The following DLG4 variants were observed in gnomAD, a reference collection of about 807,000 sequenced individuals.
DLG4 encodes the protein disks large homolog 4.
DLG4 carries 7 observed loss-of-function variants against 93.8 expected under a neutral mutation model. That is an observed-to-expected ratio of 0.07 (90% CI 0.04 to 0.14). The LOEUF (loss-of-function observed/expected upper bound fraction) is 0.14, where lower values mean the gene tolerates loss of function less well. DLG4 is among the 10% of genes least tolerant of loss of function. The pLI is 1.00. For synonymous variants in DLG4, 341 were observed against 387.6 expected (o/e 0.88, Z 1.41); for missense variants, 545 against 992.9 (o/e 0.55, Z 6.06).
upstream of DLG4, chr17:7,219,777 AG>A (rs2071091425): frequency 6.7e-7 from 1 of 1,492,224 alleles, no homozygotes; most frequent in African/African-American, 1.4e-5. Context: ...GGGGGAGACG[AG>A]GGACGCTTGG....
intron 2 of DLG4, among the ~76,000 whole-genome samples, chr17:7,206,849 A>G (rs2070487617): frequency 6.6e-6 from 1 of 150,636 alleles, no homozygotes; most frequent in Non-Finnish European, 1.5e-5. Context: ...AATGTCAGCA[A>G]CCTCCCCCTT....
Position 7,191,534 on chromosome 17 carries a change from C to T in DLG4, c.1977-176G>A, listed in dbSNP as rs2069496820. 1 of 628,684 alleles carries T rather than the reference C, an allele frequency of 1.6e-6. No homozygotes were observed. Among genetic ancestry groups the T allele is most frequent in the South Asian group, 1.9e-5 (1 of 53,214 alleles). The allele number at this position is 628,684 out of a possible 1,614,324, so 38.9% of individuals were successfully genotyped here. A position where few individuals can be genotyped will look rare whatever the true frequency, so the allele number is the denominator to read the frequency against. On this transcript the variant is annotated intron_variant, in intron 18 of 19. Transcript: ENST00000399506. This position sits in a 1 kb window ranked among gnomAD's most constrained non-coding sequence, Gnocchi z 6.6. ...AGAACCACCCCCCACCCCCCTGCCA[C>T]CCGCAACCGCCCCAGCCAGGTGTGG...
intron 2 of DLG4, chr17:7,205,155 T>C (rs1441271228): frequency 2.0e-6 from 2 of 985,276 alleles, no homozygotes; most frequent in Non-Finnish European, 2.4e-6. Context: ...CCTACGCCCC[T>C]CACCCTACGC....
At chr17:7,212,447 T>C (rs1329998292) in intron 1 of DLG4, among the ~76,000 whole-genome samples, 3 of 152,180 alleles carry the variant, frequency 2.0e-5, no homozygotes, top group Admixed American at 6.5e-5. Context: ...AATATTACTC[T>C]TGCTCTAATA....
Position 7,193,438 on chromosome 17 carries a change from AC to A in DLG4, c.1693+44del, listed in dbSNP as rs1382335664. 25 of 1,488,130 alleles carry A rather than the reference AC, an allele frequency of 1.7e-5. No homozygotes were observed. The highest frequency in any genetic ancestry group is 1.9e-5 in the Non-Finnish European group (21 of 1,117,630). 92.2% of individuals were successfully genotyped at this position (1,488,130 alleles called of 1,614,324 possible). On this transcript the variant is annotated intron_variant, in intron 16 of 19. Transcript: ENST00000399506. The surrounding 1 kb of genome is among the most constrained non-coding windows in gnomAD (Gnocchi z 6.7). The stretch of plus-strand genomic sequence containing the variant: ...CCCAGGGATGGGCCTCCCCTGCCCC[AC>A]CCCCACTTCCACCTTCTCCTCCATC...
intron 1 of DLG4, among the ~76,000 whole-genome samples, chr17:7,216,257 G>T (rs1198100025): frequency 6.6e-6 from 1 of 152,008 alleles, no homozygotes; most frequent in Non-Finnish European, 1.5e-5. Context: ...TCTTGATCAG[G>T]GCTAGATACA....
chr17:7,219,002 A>G, upstream of DLG4: 2 of 765,630 alleles, frequency 2.6e-6, no homozygotes, highest in Non-Finnish European at 2.2e-6. Context: ...CACCGCCACC[A>G]TCTTGCTCCA....
At chr17:7,199,489 C>G (rs868143711) in intron 8 of DLG4, among the ~76,000 whole-genome samples, 2 of 151,988 alleles carry the variant, frequency 1.3e-5, no homozygotes, top group Non-Finnish European at 2.9e-5. Flanking sequence ...GCATGAGCCA[C>G]CGCGCCCAGC....
At position 7,204,248 on chromosome 17, in the gene DLG4, T is replaced by C. The variant is rs746846985; in HGVS notation, c.101A>G (p.Asn34Ser). Reference sequence around the variant, plus strand: ...TGTGTTGACAATCACTGGGGGAGAATTGGCCTGTTTGGGAAAACAAGAGAC... The same window carrying C: ...TGTGTTGACAATCACTGGGGGAGAACTGGCCTGTTTGGGAAAACAAGAGAC... ...HSPAHLPNQANSPPVIVNTDT... is the reference protein window; with the variant it reads ...HSPAHLPNQASSPPVIVNTDT... Residue 34 changes from asparagine to serine, a missense_variant, in exon 3 of 20, where the codon AAT (asparagine) becomes AGT (serine). By Grantham distance (46) the Asn-to-Ser change is conservative. Coordinates refer to ENST00000399506, the MANE Select transcript of DLG4 (RefSeq NM_001321075.3). 1.9e-6 allele frequency: 3 copies of C among 1,587,978 alleles called. No homozygotes were observed. The highest frequency in any genetic ancestry group is 2.2e-5 in the East Asian group (1 of 44,568).
upstream of DLG4, chr17:7,218,431 C>G: frequency 7.2e-7 from 1 of 1,383,716 alleles, no homozygotes; most frequent in South Asian, 1.2e-5. Flanking sequence ...TAGGCAGGAC[C>G]CTGCATGGTG....
chr17:7,217,118 C>T lies in DLG4; in HGVS notation c.30G>A (p.Lys10=). ...TTTATAGCCCCCCCATCATGCTTAC[C>T]TTGGTTGTCACTATACAGAGACAGT... MDCLCIVTT[K]KYRYQDEDTP... The change falls in exon 1 of 20, where the codon AAG becomes AAA. Residue 10 remains lysine, a splice_region_variant and synonymous_variant. Transcript: ENST00000399506. 1 of 1,292,484 alleles carries T rather than the reference C, an allele frequency of 7.7e-7. No individual in the cohort carries two copies. The highest frequency in any genetic ancestry group is 9.8e-7 in the Non-Finnish European group (1 of 1,018,104). The allele number at this position is 1,292,484 out of a possible 1,614,324, so 80.1% of individuals were successfully genotyped here. A position where few individuals can be genotyped will look rare whatever the true frequency, so the allele number is the denominator to read the frequency against.
upstream of DLG4, chr17:7,218,221 G>A (rs577474917): frequency 6.2e-6 from 10 of 1,602,414 alleles, no homozygotes; most frequent in South Asian, 7.9e-5. Flanking sequence ...GAAGTTAGGC[G>A]CTCGCCCCCA....
Position 7,191,135 on chromosome 17 carries a change from C to A in DLG4, c.2068+132G>T. On this transcript the variant is annotated intron_variant, in intron 19 of 19. Coordinates refer to ENST00000399506, the MANE Select transcript of DLG4 (RefSeq NM_001321075.3). The surrounding 1 kb of genome is among the most constrained non-coding windows in gnomAD (Gnocchi z 6.6). Reference sequence around the variant, plus strand: ...CAGGTGCCCGCCAGTGCTGGGATTACAGGCGTGAGCCACCATGCCGCGCCC... The same window carrying A: ...CAGGTGCCCGCCAGTGCTGGGATTAAAGGCGTGAGCCACCATGCCGCGCCC... The A allele has an allele frequency of 2.5e-6, 2 of 791,806 alleles. No homozygotes were observed. The highest frequency in any genetic ancestry group is 5.3e-5 in the East Asian group (2 of 37,590). The allele number at this position is 791,806 out of a possible 1,614,324, so 49.0% of individuals were successfully genotyped here.
At chr17:7,192,840 A>G in intron 17 of DLG4, 105 bp downstream of exon 17, 1 of 1,295,964 alleles carries the variant, frequency 7.7e-7, no homozygotes, top group Non-Finnish European at 1.0e-6. Context: ...GTGGAGACCC[A>G]GCAGGGAAAG....
At chr17:7,219,929 C>G (rs765784191), upstream of DLG4, 7 of 1,573,992 alleles carry the variant, frequency 4.4e-6, no homozygotes, top group African/African-American at 8.0e-5. Flanking sequence ...CGTGGGCGTG[C>G]AGGACGCCAG....
At chr17:7,192,807 G>A in intron 17 of DLG4, 138 bp downstream of exon 17, 1 of 946,500 alleles carries the variant, frequency 1.1e-6, no homozygotes, top group African/African-American at 1.7e-5. Flanking sequence ...TTGCCCAAGA[G>A]GAGAAGGAGG....
intron 17 of DLG4, 56 bp downstream of exon 17, chr17:7,192,889 G>A: frequency 1.3e-6 from 2 of 1,512,482 alleles, no homozygotes; most frequent in Non-Finnish European, 1.8e-6. Flanking sequence ...CTGGAGGGAG[G>A]CAGTGGGGTG....
intron 2 of DLG4, chr17:7,205,073 A>G (rs1057020273): frequency 1.0e-6 from 1 of 985,528 alleles, no homozygotes; most frequent in Non-Finnish European, 1.2e-6. Flanking sequence ...CACGTTAGCC[A>G]GGCCGAGAGG....
Position 7,191,165 on chromosome 17 carries a change from G to A in DLG4, c.2068+102C>T, listed in dbSNP as rs985408282. The A allele has an allele frequency of 8.8e-6, 10 of 1,131,724 alleles. No individual in the cohort carries two copies. The highest frequency in any genetic ancestry group is 1.3e-5 in the Non-Finnish European group (10 of 764,312). The allele number at this position is 1,131,724 out of a possible 1,614,324, so 70.1% of individuals were successfully genotyped here. Reference sequence around the variant, plus strand: ...GTGAGCCACCATGCCGCGCCCACAGGGGCACCTCTTTCTAAGCCATCCACT... The same window carrying A: ...GTGAGCCACCATGCCGCGCCCACAGAGGCACCTCTTTCTAAGCCATCCACT... On this transcript the variant is annotated intron_variant, in intron 19 of 19. Coordinates refer to ENST00000399506, the MANE Select transcript of DLG4 (RefSeq NM_001321075.3). This position sits in a 1 kb window ranked among gnomAD's most constrained non-coding sequence, Gnocchi z 6.6.
Sources: gnomAD v4.1 joint callset for allele counts (sites outside exome capture counted in the v4.1 genomes callset) on GRCh38, gnomAD v4.1.1 for gene constraint, Gnocchi (gnomAD v3.1) non-coding constraint, MANE v1.5 for transcripts, NCBI Gene and HGNC (gene_info 2026-07-23, HGNC 2026-07-21) for gene names.